WWOX: variants seen among roughly 807,000 people sequenced by gnomAD.
WWOX encodes the protein WW domain-containing oxidoreductase.
Under a neutral mutation model 46.2 loss-of-function variants are expected in WWOX, and 69 were observed. The observed-to-expected ratio is 1.49, with a 90% confidence interval of 1.23 to 1.82. The LOEUF (loss-of-function observed/expected upper bound fraction) is 1.82. Among genes scored for constraint, WWOX ranks in the 40% most tolerant of loss-of-function variants. The pLI is 0.00. For missense variants in WWOX, 919 were observed against 542.6 expected, an observed-to-expected ratio of 1.69 and a Z score of -6.89; for synonymous variants, 359 against 202.6, an observed-to-expected ratio of 1.77 and a Z score of -6.56.
intron 5 of WWOX, among the ~76,000 whole-genome samples, chr16:78,188,073 G>C (rs10492873): frequency 0.12 from 18,619 of 152,116 alleles, 1,196 homozygotes; most frequent in South Asian, 0.2. Context: ...CGATTAAAAG[G>C]TACTTGCTAT....
rs965813486 is a variant in WWOX at position 78,523,409 on chromosome 16, C to G, written c.1056+90657C>G. ...CTCTATAAGAGAGGAAGTAGTACAG[C>G]TATCAGTAACAATGCCATCCGGTAA... is the stretch of plus-strand genomic sequence containing the variant. On this transcript the variant is annotated intron_variant, in intron 8 of 8. Transcript: ENST00000566780. Among the ~76,000 whole-genome samples, 34 of 152,164 alleles carry G rather than the reference C, an allele frequency of 2.2e-4. 1 individual carries two copies. Among genetic ancestry groups the G allele is most frequent in the African/African-American group, 8.2e-4 (34 of 41,450 alleles).
intron 8 of WWOX, among the ~76,000 whole-genome samples, chr16:78,783,738 ATGATGG>A (rs1567556943): frequency 2.6e-5 from 4 of 151,986 alleles, no homozygotes; most frequent in Non-Finnish European, 5.9e-5. Flanking sequence ...GATGTTGATG[ATGATGG>A]TGATGGTGAT....
intron 8 of WWOX, among the ~76,000 whole-genome samples, chr16:78,743,839 G>A (rs1266235934): frequency 6.6e-6 from 1 of 152,140 alleles, no homozygotes; most frequent in Non-Finnish European, 1.5e-5. Context: ...TCCATGAGGT[G>A]TACACCAAGT....
At chr16:78,371,990 T>G (rs2081701275) in intron 5 of WWOX, among the ~76,000 whole-genome samples, 1 of 152,162 alleles carries the variant, frequency 6.6e-6, no homozygotes, top group South Asian at 2.1e-4. Flanking sequence ...CATGTGAGTG[T>G]TTTATGGACT....
chr16:79,206,974 C>A (rs1056928893), intron 8 of WWOX, among the ~76,000 whole-genome samples: 1 of 152,050 alleles, frequency 6.6e-6, no homozygotes, highest in Non-Finnish European at 1.5e-5. Flanking sequence ...GAGATTGAAG[C>A]TGTAATTGTT....
intron 8 of WWOX, among the ~76,000 whole-genome samples, chr16:78,483,370 G>C (rs1055946182): frequency 3.5e-5 from 5 of 142,230 alleles, no homozygotes; most frequent in Admixed American, 3.4e-4. Context: ...TGGCTGACAT[G>C]GAAGATTTTT....
intron 8 of WWOX, among the ~76,000 whole-genome samples, chr16:79,094,949 C>G (rs957628965): frequency 3.3e-5 from 5 of 152,038 alleles, no homozygotes; most frequent in African/African-American, 1.2e-4. Context: ...ATTTGCCAAT[C>G]GCCTGGTCAG....
At chr16:79,032,960 C>T (rs1254481503) in intron 8 of WWOX, among the ~76,000 whole-genome samples, 2 of 151,444 alleles carry the variant, frequency 1.3e-5, no homozygotes, top group Admixed American at 6.6e-5. Context: ...TTTTGTTCCC[C>T]TCTTTGTGTC....
chr16:79,172,052 C>T (rs28441246), intron 8 of WWOX, among the ~76,000 whole-genome samples: 3,109 of 152,258 alleles, frequency 0.02, 104 homozygotes, highest in African/African-American at 0.07. Context: ...GGAGCGAGGG[C>T]AAGTTGGGAT....
chr16:78,654,698 A>G (rs893500902), intron 8 of WWOX, among the ~76,000 whole-genome samples: 9 of 152,014 alleles, frequency 5.9e-5, no homozygotes, highest in Admixed American at 5.2e-4. Flanking sequence ...CATATCCAGT[A>G]TGAAACCTAA....
At chr16:78,497,679 T>C (rs3115957) in intron 8 of WWOX, among the ~76,000 whole-genome samples, 112,814 of 152,092 alleles carry the variant, frequency 0.74, 44,249 homozygotes, top group Admixed American at 0.86. Flanking sequence ...AATACTTGTT[T>C]GATTAGGTCT....
intron 8 of WWOX, among the ~76,000 whole-genome samples, chr16:78,917,199 G>C (rs1231563336): frequency 6.6e-6 from 1 of 152,092 alleles, no homozygotes; most frequent in African/African-American, 2.4e-5. Flanking sequence ...GCAAGTCTTG[G>C]GTCACATGAT....
At chr16:78,494,745 T>G (rs571025711) in intron 8 of WWOX, among the ~76,000 whole-genome samples, 2 of 152,176 alleles carry the variant, frequency 1.3e-5, no homozygotes, top group Non-Finnish European at 2.9e-5. Context: ...GTCAGCACAT[T>G]GAGCGTTTTG....
chr16:78,925,520 A>T (rs1340349330), intron 8 of WWOX, among the ~76,000 whole-genome samples: 2 of 152,174 alleles, frequency 1.3e-5, no homozygotes, highest in African/African-American at 4.8e-5. Flanking sequence ...GAACTCGCTT[A>T]TGTGTGTTGT....
intron 8 of WWOX, among the ~76,000 whole-genome samples, chr16:79,013,766 T>A (rs958419461): frequency 3.3e-5 from 5 of 152,218 alleles, no homozygotes; most frequent in African/African-American, 1.2e-4. Flanking sequence ...GTTACTTTTA[T>A]TGTCTCATTT....
At chr16:78,447,467 T>A (rs982124199) in intron 8 of WWOX, among the ~76,000 whole-genome samples, 1 of 152,200 alleles carries the variant, frequency 6.6e-6, no homozygotes, top group African/African-American at 2.4e-5. Flanking sequence ...TTAGATCACT[T>A]AGCTAGCAAG....
intron 8 of WWOX, among the ~76,000 whole-genome samples, chr16:79,119,393 G>A (rs972931869): frequency 6.6e-6 from 1 of 152,198 alleles, no homozygotes; most frequent in Non-Finnish European, 1.5e-5. Context: ...AAGAAAAAGT[G>A]TATTTTGGAG....
chr16:79,142,558 G>C (rs887633938), intron 8 of WWOX, among the ~76,000 whole-genome samples: 1 of 152,104 alleles, frequency 6.6e-6, no homozygotes, highest in African/African-American at 2.4e-5. Flanking sequence ...GATCTTAATT[G>C]TTATTAGAGA....
At chr16:78,610,241 T>C (rs1305760968) in intron 8 of WWOX, among the ~76,000 whole-genome samples, 2 of 152,172 alleles carry the variant, frequency 1.3e-5, no homozygotes, top group East Asian at 1.9e-4. Context: ...TTACCCTCCT[T>C]TTCATAATTC....
Sources: allele counts gnomAD v4.1 joint callset (sites outside exome capture counted in the v4.1 genomes callset), GRCh38; gene constraint gnomAD v4.1.1; transcripts MANE v1.5; gene names NCBI Gene and HGNC (gene_info 2026-07-23, HGNC 2026-07-21).